SMIM35: variants seen among roughly 807,000 people sequenced by gnomAD.
SMIM35 encodes the protein small integral membrane protein 35.
intron 1 of SMIM35, among the ~76,000 whole-genome samples, chr11:118,049,875 G>C (rs1308878640): frequency 6.6e-6 from 1 of 152,116 alleles, no homozygotes; most frequent in African/African-American, 2.4e-5. Context: ...CGTGCAAACT[G>C]TGCCTCCCAC....
At chr11:118,069,795 C>G (rs1280852511) in intron 1 of SMIM35, among the ~76,000 whole-genome samples, 1 of 152,164 alleles carries the variant, frequency 6.6e-6, no homozygotes, top group Non-Finnish European at 1.5e-5. Flanking sequence ...GGCGCGGTGG[C>G]TCGTGCCTGT....
intron 1 of SMIM35, among the ~76,000 whole-genome samples, chr11:118,024,739 C>T (rs781441439): frequency 2.0e-5 from 3 of 152,136 alleles, no homozygotes; most frequent in Non-Finnish European, 4.4e-5. Context: ...TCTCAAAGTG[C>T]TGGGATTACA....
intron 1 of SMIM35, among the ~76,000 whole-genome samples, chr11:118,044,787 A>AAC: frequency 9.2e-6 from 1 of 108,336 alleles, no homozygotes; most frequent in Non-Finnish European, 2.0e-5. Context: ...AAAAAAAAAA[A>AAC]AAGTTCATTC....
intron 1 of SMIM35, among the ~76,000 whole-genome samples, chr11:118,066,806 C>T (rs982982915): frequency 7.0e-6 from 1 of 142,432 alleles, no homozygotes; most frequent in Non-Finnish European, 1.5e-5. Flanking sequence ...GCCTGGGTGA[C>T]AGAGTGAGAC....
intron 2 of SMIM35, 49 bp downstream of exon 2, chr11:118,015,644 G>A (rs1426794786): frequency 5.0e-6 from 2 of 399,108 alleles, no homozygotes; most frequent in African/African-American, 2.1e-5. Flanking sequence ...TGCTATGGGA[G>A]AGGAGGAGCT....
intron 1 of SMIM35, among the ~76,000 whole-genome samples, chr11:118,057,093 T>C (rs529633398): frequency 1.2e-4 from 18 of 152,198 alleles, no homozygotes; most frequent in African/African-American, 4.1e-4. Flanking sequence ...GGGAAAGCGG[T>C]GCATTGGAAG....
At chr11:118,034,488 C>T (rs1019926957) in intron 1 of SMIM35, among the ~76,000 whole-genome samples, 10 of 152,074 alleles carry the variant, frequency 6.6e-5, no homozygotes, top group African/African-American at 2.4e-4. Context: ...TTTGGGAGGC[C>T]GAGGCAGGCA....
At chr11:118,056,164 G>A (rs1944306194) in intron 1 of SMIM35, among the ~76,000 whole-genome samples, 1 of 152,120 alleles carries the variant, frequency 6.6e-6, no homozygotes, top group Non-Finnish European at 1.5e-5. Context: ...GGAGAGGCGG[G>A]ATTCTATTGG....
chr11:118,044,763 C>A (rs1373316154), intron 1 of SMIM35, among the ~76,000 whole-genome samples: 2 of 121,426 alleles, frequency 1.6e-5, no homozygotes, highest in African/African-American at 3.1e-5. Flanking sequence ...AAGAGTGAGA[C>A]TCCATCTCCA....
At chr11:118,069,470 C>T (rs1166970549) in intron 1 of SMIM35, among the ~76,000 whole-genome samples, 1 of 152,174 alleles carries the variant, frequency 6.6e-6, no homozygotes, top group African/African-American at 2.4e-5. Flanking sequence ...CAAAGTCACT[C>T]TACCAACATT....
intron 1 of SMIM35, among the ~76,000 whole-genome samples, chr11:118,018,543 A>C (rs1329781698): frequency 1.3e-5 from 2 of 152,230 alleles, no homozygotes; most frequent in Non-Finnish European, 2.9e-5. Flanking sequence ...TTAGTGACTC[A>C]CAGGTGGACG....
chr11:118,006,929 A>G (rs58800071), intron 4 of SMIM35, among the ~76,000 whole-genome samples: 4,819 of 152,280 alleles, frequency 0.032, 248 homozygotes, highest in African/African-American at 0.11. Flanking sequence ...AAAACATTCA[A>G]CATGCATTCA....
At chr11:118,018,815 C>A (rs563610601) in intron 1 of SMIM35, among the ~76,000 whole-genome samples, 1 of 152,234 alleles carries the variant, frequency 6.6e-6, no homozygotes, top group South Asian at 2.1e-4. Context: ...ACCTTTTGAT[C>A]TTTCTGGGAT....
chr11:118,083,399 G>A (rs959587041), intron 1 of SMIM35, among the ~76,000 whole-genome samples: 1 of 152,084 alleles, frequency 6.6e-6, no homozygotes, highest in Non-Finnish European at 1.5e-5. Flanking sequence ...GGTCCCAACT[G>A]CCCTGGTCAC....
intron 1 of SMIM35, among the ~76,000 whole-genome samples, chr11:118,066,214 C>A (rs920213140): frequency 8.5e-5 from 13 of 152,264 alleles, no homozygotes; most frequent in Admixed American, 7.2e-4. Flanking sequence ...ATCCCCCAGA[C>A]ACCTGGAAAT....
intron 1 of SMIM35, among the ~76,000 whole-genome samples, chr11:118,020,176 G>A (rs950103121): frequency 4.6e-5 from 7 of 152,170 alleles, no homozygotes; most frequent in African/African-American, 1.7e-4. Context: ...TAAGGCAGGA[G>A]AATTACTTGA....
chr11:118,083,376 C>T (rs771080899), intron 1 of SMIM35, among the ~76,000 whole-genome samples: 6 of 152,174 alleles, frequency 3.9e-5, no homozygotes, highest in South Asian at 2.1e-4. Context: ...ACAGGTCACA[C>T]GACATCACCT....
intron 1 of SMIM35, among the ~76,000 whole-genome samples, chr11:118,045,330 GCACACACACACACA>G (rs34102097): frequency 6.8e-6 from 1 of 146,014 alleles, no homozygotes; most frequent in Non-Finnish European, 1.5e-5. Flanking sequence ...ATACACACAT[GCACACACACACACA>G]CACACACACA....
intron 1 of SMIM35, among the ~76,000 whole-genome samples, chr11:118,018,791 A>T (rs967017426): frequency 2.0e-5 from 3 of 152,202 alleles, no homozygotes; most frequent in African/African-American, 7.2e-5. Context: ...TTGCAGAAAC[A>T]ATTACTCTAT....
Sources: gnomAD v4.1 joint callset for allele counts (sites outside exome capture counted in the v4.1 genomes callset) on GRCh38, gnomAD v4.1.1 for gene constraint, MANE v1.5 for transcripts, NCBI Gene and HGNC (gene_info 2026-07-23, HGNC 2026-07-21) for gene names.